Variants in TGFBR3 observed in about 807,000 individuals in gnomAD.
TGFBR3 encodes the protein transforming growth factor beta receptor type 3.
A neutral mutation model predicts 87.9 loss-of-function variants in TGFBR3; 46 were observed. The ratio of observed to expected loss-of-function variants is 0.52; its 90% CI spans 0.41 to 0.67. The LOEUF is 0.67. TGFBR3 is among the 30% of genes least tolerant of loss of function. The pLI is 0.00. For missense variants in TGFBR3, 866 were observed against 1,041.9 expected, an observed-to-expected ratio of 0.83 and a Z score of 2.32; for synonymous variants, 381 against 391.6, an observed-to-expected ratio of 0.97 and a Z score of 0.32.
At position 91,682,337 on chromosome 1, in the gene TGFBR3, G is replaced by C. The variant is rs926626793; in HGVS notation, c.*1402C>G. 4.5e-6 allele frequency: 2 copies of C among 448,936 alleles called. No individual in the cohort carries two copies. Among genetic ancestry groups the C allele is most frequent in the East Asian group, 1.4e-4 (2 of 14,050 alleles). 27.8% of individuals were successfully genotyped at this position (448,936 alleles called of 1,614,324 possible). ...TTGTTTGGGGGAAATTCTGGAAAAAGAATAATTTGCAATGAAGCTATCTTC... is the reference window on the plus strand; with the variant it reads ...TTGTTTGGGGGAAATTCTGGAAAAACAATAATTTGCAATGAAGCTATCTTC... On this transcript the variant is annotated 3_prime_UTR_variant, in exon 17 of 17. Transcript: ENST00000212355.
At chr1:91,880,329 G>A (rs890363225) in intron 1 of TGFBR3, among the ~76,000 whole-genome samples, 1 of 152,124 alleles carries the variant, frequency 6.6e-6, no homozygotes, top group Non-Finnish European at 1.5e-5. Context: ...GGCCGGGCGC[G>A]ATGGCTCACA....
rs373535351 is a variant in TGFBR3 at position 91,680,508 on chromosome 1, G to A, written c.*3231C>T. 1.8e-5 allele frequency: 8 copies of A among 453,778 alleles called. No individual in the cohort carries two copies. The highest frequency in any genetic ancestry group is 2.6e-5 in the Non-Finnish European group (6 of 226,780). The allele number at this position is 453,778 out of a possible 1,614,324, so 28.1% of individuals were successfully genotyped here. ...GGCCACAGGGATTTTAAGGGTACTC[G>A]TTTTACCCTCATAGATGATGAAAAC... On this transcript the variant is annotated 3_prime_UTR_variant, in exon 17 of 17. Coordinates refer to ENST00000212355, the MANE Select transcript of TGFBR3 (RefSeq NM_003243.5).
intron 16 of TGFBR3, among the ~76,000 whole-genome samples, chr1:91,688,296 G>C (rs962034543): frequency 8.5e-5 from 13 of 152,084 alleles, no homozygotes; most frequent in African/African-American, 2.9e-4. Context: ...CCCCTGAATA[G>C]GATGCAAAAT....
chr1:91,756,750 ATTAAT>A (rs940729483), intron 4 of TGFBR3, among the ~76,000 whole-genome samples: 5 of 152,202 alleles, frequency 3.3e-5, no homozygotes, highest in African/African-American at 1.2e-4. Context: ...TTCTTTTGAA[ATTAAT>A]TTAAATTTAC....
rs887982749 is a variant in TGFBR3, at chr1:91,719,896, A to C, written c.1410T>G (p.Phe470Leu). 1.9e-6 allele frequency: 3 copies of C among 1,614,088 alleles called. No individual in the cohort carries two copies. Among genetic ancestry groups the C allele is most frequent in the Non-Finnish European group, 2.5e-6 (3 of 1,180,028 alleles). Reference protein sequence around the residue: ...KMIVAVEKDSFQASGYSGMDV... With the variant: ...KMIVAVEKDSLQASGYSGMDV... ...TCCTGTAATCAGCTGCACCGACCTG[A>C]AAAGAATCTTTTTCTACAGCCACGA... The change falls in exon 9 of 17, where the codon TTT becomes TTG. Residue 470 changes from phenylalanine (F) to leucine (L), a missense_variant. By Grantham distance (22) the Phe-to-Leu change is conservative. Coordinates refer to ENST00000212355, the MANE Select transcript of TGFBR3 (RefSeq NM_003243.5).
chr1:91,903,005 AAC>A (rs1277319016), intron 1 of TGFBR3, among the ~76,000 whole-genome samples: 3 of 148,998 alleles, frequency 2.0e-5, no homozygotes, highest in Admixed American at 6.8e-5. Context: ...AAGTTCTGGT[AAC>A]AGTCTTCTAG....
In TGFBR3 at chr1:91,682,643, G is replaced by T. The variant is rs1405517532; in HGVS notation, c.*1096C>A. ...CAGATAACCAACTGGAGACCGACAG[G>T]ATTTGCCATGCATTTGCATCTTGCT... is the stretch of plus-strand genomic sequence containing the variant. On this transcript the variant is annotated 3_prime_UTR_variant, in exon 17 of 17. Transcript: ENST00000212355. 4.4e-6 allele frequency: 2 copies of T among 453,798 alleles called. No individual in the cohort carries two copies. Among genetic ancestry groups the T allele is most frequent in the African/African-American group, 2.0e-5 (1 of 49,942 alleles). 28.1% of individuals were successfully genotyped at this position (453,798 alleles called of 1,614,324 possible).
chr1:91,685,354 G>A (rs1168518809), intron 16 of TGFBR3, among the ~76,000 whole-genome samples: 6 of 123,504 alleles, frequency 4.9e-5, no homozygotes, highest in Non-Finnish European at 7.9e-5. Flanking sequence ...ACGGAGTCTC[G>A]CTCTGTCCCC....
upstream of TGFBR3, among the ~76,000 whole-genome samples, chr1:91,887,718 T>G (rs993358230): frequency 6.6e-6 from 1 of 152,200 alleles, no homozygotes; most frequent in African/African-American, 2.4e-5. Flanking sequence ...AATTGGAGAT[T>G]CATTCACAAA....
At chr1:91,825,311 G>A (rs1045164292) in intron 2 of TGFBR3, among the ~76,000 whole-genome samples, 1 of 152,170 alleles carries the variant, frequency 6.6e-6, no homozygotes, top group Non-Finnish European at 1.5e-5. Flanking sequence ...GCCATAAAAA[G>A]GAATGAAATA....
At chr1:91,768,859 A>G (rs565983927) in intron 3 of TGFBR3, among the ~76,000 whole-genome samples, 3 of 152,178 alleles carry the variant, frequency 2.0e-5, no homozygotes. Context: ...GGACTAATAC[A>G]TGAATCAACA....
At chr1:91,775,219 T>G (rs930661103) in intron 3 of TGFBR3, among the ~76,000 whole-genome samples, 1 of 152,206 alleles carries the variant, frequency 6.6e-6, no homozygotes. Context: ...GAATTTAGGG[T>G]CAGCTCTTTT....
chr1:91,903,737 T>C, intron 1 of TGFBR3, among the ~76,000 whole-genome samples: 1 of 152,184 alleles, frequency 6.6e-6, no homozygotes, highest in Non-Finnish European at 1.5e-5. Context: ...TTAGACATTC[T>C]TATTCCTGGC....
intron 15 of TGFBR3, among the ~76,000 whole-genome samples, chr1:91,696,980 G>C (rs989784867): frequency 9.2e-5 from 14 of 152,136 alleles, no homozygotes; most frequent in African/African-American, 3.4e-4. Flanking sequence ...TTCTAGACCT[G>C]TGCTCTTTGG....
At chr1:91,753,584 G>A (rs1224930726) in intron 4 of TGFBR3, among the ~76,000 whole-genome samples, 2 of 151,940 alleles carry the variant, frequency 1.3e-5, no homozygotes, top group African/African-American at 2.4e-5. Flanking sequence ...AAGAAATCTC[G>A]TATCATTAGT....
At chr1:91,868,507 T>G (rs1036848875) in intron 1 of TGFBR3, among the ~76,000 whole-genome samples, 1 of 152,192 alleles carries the variant, frequency 6.6e-6, no homozygotes, top group African/African-American at 2.4e-5. Flanking sequence ...TCAACATTTC[T>G]GGTATAAGTT....
intron 1 of TGFBR3, among the ~76,000 whole-genome samples, chr1:91,876,955 A>AT (rs1360721721): frequency 2.6e-5 from 4 of 151,716 alleles, no homozygotes; most frequent in African/African-American, 4.8e-5. Context: ...TAATTTCACT[A>AT]TTTTTTGTGA....
At chr1:91,689,534 A>C (rs188005570) in intron 16 of TGFBR3, among the ~76,000 whole-genome samples, 1 of 152,372 alleles carries the variant, frequency 6.6e-6, no homozygotes, top group Non-Finnish European at 1.5e-5. Context: ...CAAACCAAAA[A>C]AATTTAGCTG....
intron 2 of TGFBR3, among the ~76,000 whole-genome samples, chr1:91,812,946 G>A (rs559133785): frequency 6.6e-6 from 1 of 152,104 alleles, no homozygotes; most frequent in Non-Finnish European, 1.5e-5. Context: ...TTTCATACTT[G>A]TGGGTTTTTT....
Sources: allele counts gnomAD v4.1 joint callset (sites outside exome capture counted in the v4.1 genomes callset), GRCh38; gene constraint gnomAD v4.1.1; transcripts MANE v1.5; gene names NCBI Gene and HGNC (gene_info 2026-07-23, HGNC 2026-07-21).